KIRREL3: variants seen among roughly 807,000 people sequenced by gnomAD.
KIRREL3 encodes kin of IRRE-like protein 3.
KIRREL3 carries 36 observed loss-of-function variants against 89.7 expected under a neutral mutation model. The observed-to-expected ratio is 0.40, with a 90% CI of 0.31 to 0.53. KIRREL3 has a LOEUF of 0.53. Ranked by LOEUF, KIRREL3 falls within the 20% of genes least tolerant of loss-of-function variation. The pLI, the probability that KIRREL3 is intolerant of heterozygous loss-of-function variation, is 0.49. For synonymous variants in KIRREL3, 445 were observed against 441.4 expected (o/e 1.01, Z -0.10); for missense variants, 864 against 1,056.6 (o/e 0.82, Z 2.53).
chr11:126,448,963 CAGTGGA>C, intron 8 of KIRREL3, 40 bp downstream of exon 8: 1 of 1,553,950 alleles, frequency 6.4e-7, no homozygotes, highest in Non-Finnish European at 8.7e-7. Context: ...AAGCAGAAAC[CAGTGGA>C]TGCCTGCTCG....
At position 126,519,187 on chromosome 11, in the gene KIRREL3, C is replaced by T. The variant is rs996130599; in HGVS notation, c.433+2128G>A. ...CATGCCACCGGAGAGGAAGGGGGAG[C>T]GAATGCCTTTTAGACATGACCTAAG... On this transcript the variant is annotated intron_variant, in intron 4 of 16. Coordinates refer to ENST00000525144, the MANE Select transcript of KIRREL3 (RefSeq NM_032531.4). The surrounding 1 kb of genome is among the most constrained non-coding windows in gnomAD (Gnocchi z 4.3). Among the ~76,000 whole-genome samples the T allele has an allele frequency of 9.9e-5, 15 of 152,216 alleles. No homozygotes were observed. Among genetic ancestry groups the T allele is most frequent in the South Asian group, 2.1e-4 (1 of 4,820 alleles).
intron 2 of KIRREL3, among the ~76,000 whole-genome samples, chr11:126,549,106 G>A (rs772905268): frequency 7.2e-5 from 11 of 152,148 alleles, no homozygotes; most frequent in Admixed American, 2.6e-4. Context: ...CATTTGACTC[G>A]GAGATGGGGA....
At chr11:126,794,291 C>T (rs1950735573) in intron 1 of KIRREL3, among the ~76,000 whole-genome samples, 1 of 152,166 alleles carries the variant, frequency 6.6e-6, no homozygotes, top group Admixed American at 6.5e-5. Context: ...ATCATGCCAG[C>T]CTGGGCCATG....
In KIRREL3 at chr11:126,704,629, A is replaced by G. The variant is rs1309763872; in HGVS notation, c.56-141717T>C. On this transcript the variant is annotated intron_variant, in intron 1 of 16. Coordinates refer to ENST00000525144, the MANE Select transcript of KIRREL3 (RefSeq NM_032531.4). This position sits in a 1 kb window ranked among gnomAD's most constrained non-coding sequence, Gnocchi z 4.2. ...ACTTTCCATACACAGACAGGGCTCT[A>G]TTTTTGGATGTCTTGGTTCTCATGA... Among the ~76,000 whole-genome samples the G allele has an allele frequency of 6.6e-6, 1 of 152,110 alleles. No individual in the cohort carries two copies. Among genetic ancestry groups the G allele is most frequent in the Non-Finnish European group, 1.5e-5 (1 of 68,030 alleles).
rs374047677 is a variant in KIRREL3, at chr11:126,463,325, G to C, written c.592-18C>G. 9 of 1,607,314 alleles carry C rather than the reference G, an allele frequency of 5.6e-6. No homozygotes were observed. The African/African-American group carries it at 1.1e-4, about 19-fold the overall frequency. Reference sequence around the variant, plus strand: ...AGCAGGGTCTTGGGAGAAAGGGAAAGGGGAGAGAAAGCTCCATGTCGCTTG... The same window carrying C: ...AGCAGGGTCTTGGGAGAAAGGGAAACGGGAGAGAAAGCTCCATGTCGCTTG... On this transcript the variant is annotated intron_variant, in intron 5 of 16. Transcript: ENST00000525144. The surrounding 1 kb of genome is among the most constrained non-coding windows in gnomAD (Gnocchi z 5.9).
chr11:126,665,291 C>T (rs906112054), intron 1 of KIRREL3, among the ~76,000 whole-genome samples: 1 of 152,192 alleles, frequency 6.6e-6, no homozygotes, highest in African/African-American at 2.4e-5. Flanking sequence ...GTCACTGAGA[C>T]TGCCAGCTCT....
At chr11:126,852,211 G>A (rs1166442700) in intron 1 of KIRREL3, among the ~76,000 whole-genome samples, 2 of 151,896 alleles carry the variant, frequency 1.3e-5, no homozygotes, top group Non-Finnish European at 2.9e-5. Context: ...GTGCCACCAC[G>A]CCCAGCTAAT....
chr11:126,695,406 CAAAAAAAAAAAA>C (rs36034228), intron 1 of KIRREL3, among the ~76,000 whole-genome samples: 2 of 64,350 alleles, frequency 3.1e-5, no homozygotes, highest in Non-Finnish European at 5.8e-5. Context: ...TTAGCTTTAC[CAAAAAAAAAAAA>C]AAAAAAAAAA....
intron 1 of KIRREL3, among the ~76,000 whole-genome samples, chr11:126,577,133 ATGTT>A (rs1941295625): frequency 1.3e-5 from 2 of 152,148 alleles, no homozygotes; most frequent in African/African-American, 4.8e-5. Flanking sequence ...GCTCAGCAAA[ATGTT>A]TGTCTTAGCC....
rs1945684780 is a variant in KIRREL3, at chr11:126,666,808, C to T, written c.56-103896G>A. ...TTTTGAGGAGCCAGTCACTGAGTTT[C>T]TCTGTTGATCAATCACCATTGCTGG... On this transcript the variant is annotated intron_variant, in intron 1 of 16. Transcript: ENST00000525144. The surrounding 1 kb of genome is among the most constrained non-coding windows in gnomAD (Gnocchi z 4.2). Among the ~76,000 whole-genome samples the T allele has an allele frequency of 1.3e-5, 2 of 152,178 alleles. No homozygotes were observed. The highest frequency in any genetic ancestry group is 2.9e-5 in the Non-Finnish European group (2 of 68,032).
Position 126,521,406 on chromosome 11 carries a change from G to A in KIRREL3, c.342C>T (p.Ile114=). The change falls in exon 4 of 17, where the codon ATC becomes ATT. Residue 114 remains isoleucine, a synonymous_variant. Transcript: ENST00000525144. The surrounding 1 kb of genome is among the most constrained non-coding windows in gnomAD (Gnocchi z 4.1). ...CATCGTCTTGCAGCTCTGCCCTCAG[G>A]ATCTTCAGGTGGTGCTCCCCTGACA... ...NHLSGEHHLK[I]LRAELQDDAV... 1 of 1,573,248 alleles carries A rather than the reference G, an allele frequency of 6.4e-7. No homozygotes were observed. The highest frequency in any genetic ancestry group is 8.6e-7 in the Non-Finnish European group (1 of 1,159,266).
intron 1 of KIRREL3, among the ~76,000 whole-genome samples, chr11:126,591,185 CA>C (rs1315474266): frequency 2.6e-5 from 4 of 152,156 alleles, no homozygotes; most frequent in Non-Finnish European, 4.4e-5. Flanking sequence ...GTTATTGGAC[CA>C]CTGTACTCCA....
chr11:127,001,324 G>T (rs1174956923), upstream of KIRREL3, among the ~76,000 whole-genome samples: 1 of 136,570 alleles, frequency 7.3e-6, no homozygotes, highest in Non-Finnish European at 1.6e-5. Flanking sequence ...TGGGGGGGGG[G>T]GGTAGGTAAT....
intron 2 of KIRREL3, among the ~76,000 whole-genome samples, chr11:126,532,229 A>G (rs924954787): frequency 6.6e-6 from 1 of 152,128 alleles, no homozygotes; most frequent in Non-Finnish European, 1.5e-5. Flanking sequence ...CTCAAACCCC[A>G]ATGGTCTGGG....
intron 1 of KIRREL3, among the ~76,000 whole-genome samples, chr11:126,604,288 C>A (rs1011807237): frequency 1.3e-5 from 2 of 152,152 alleles, no homozygotes; most frequent in African/African-American, 4.8e-5. Flanking sequence ...GCAGGAAGAC[C>A]ACCCTGAAGG....
intron 1 of KIRREL3, among the ~76,000 whole-genome samples, chr11:126,804,180 C>G (rs1423028411): frequency 2.6e-5 from 4 of 152,178 alleles, no homozygotes. Flanking sequence ...GGAAATAAAC[C>G]TGATGAAACC....
chr11:126,958,129 C>T (rs1948976867), intron 1 of KIRREL3, among the ~76,000 whole-genome samples: 1 of 152,142 alleles, frequency 6.6e-6, no homozygotes, highest in African/African-American at 2.4e-5. Flanking sequence ...AACACAGTGC[C>T]TGACACTCAA....
At chr11:126,875,833 G>C (rs768949829) in intron 1 of KIRREL3, among the ~76,000 whole-genome samples, 21 of 152,184 alleles carry the variant, frequency 1.4e-4, no homozygotes, top group Non-Finnish European at 8.8e-5. Flanking sequence ...TAATAAAAAT[G>C]ATCTATAGAA....
At chr11:126,738,669 G>T (rs1333707272) in intron 1 of KIRREL3, among the ~76,000 whole-genome samples, 1 of 152,164 alleles carries the variant, frequency 6.6e-6, no homozygotes, top group Non-Finnish European at 1.5e-5. Flanking sequence ...CCCCATGTTT[G>T]GCTCCTTCTC....
Sources: gnomAD v4.1 joint callset for allele counts (sites outside exome capture counted in the v4.1 genomes callset) on GRCh38, gnomAD v4.1.1 for gene constraint, Gnocchi (gnomAD v3.1) non-coding constraint, MANE v1.5 for transcripts, NCBI Gene and HGNC (gene_info 2026-07-23, HGNC 2026-07-21) for gene names.